The following SFRP1 variants were observed in gnomAD, a reference collection of about 807,000 sequenced individuals.
SFRP1 encodes the protein secreted frizzled-related protein 1.
Under a neutral mutation model 25.9 loss-of-function variants are expected in SFRP1, and 9 were observed. The ratio of observed to expected loss-of-function variants is 0.35; its 90% CI spans 0.21 to 0.61. The LOEUF (loss-of-function observed/expected upper bound fraction) is 0.61, where lower values mean the gene tolerates loss of function less well. SFRP1 is among the 20% of genes least tolerant of loss of function. The pLI is 0.78. For missense variants in SFRP1, 346 were observed against 418.2 expected (o/e 0.83, Z 1.51); for synonymous variants, 178 against 174.0 (o/e 1.02, Z -0.18).
At chr8:41,278,180 G>C (rs1251218613) in intron 2 of SFRP1, among the ~76,000 whole-genome samples, 1 of 152,314 alleles carries the variant, frequency 6.6e-6, no homozygotes, top group East Asian at 1.9e-4. Flanking sequence ...ACACAGCGGA[G>C]TAGGGCAAGG....
chr8:41,290,198 T>C (rs1045964542), intron 2 of SFRP1, among the ~76,000 whole-genome samples: 4 of 152,198 alleles, frequency 2.6e-5, no homozygotes, highest in African/African-American at 4.8e-5. Flanking sequence ...CAACTACACA[T>C]AGGCATCGAC....
intron 2 of SFRP1, among the ~76,000 whole-genome samples, chr8:41,287,790 A>C (rs945346270): frequency 1.3e-5 from 2 of 152,252 alleles, no homozygotes; most frequent in Non-Finnish European, 2.9e-5. Flanking sequence ...AGTTTAAGGA[A>C]AGTGCAGCAT....
intron 2 of SFRP1, among the ~76,000 whole-genome samples, chr8:41,286,861 A>G (rs1803712187): frequency 6.6e-6 from 1 of 152,188 alleles, no homozygotes; most frequent in Admixed American, 6.5e-5. Flanking sequence ...AGGTTCACCC[A>G]CCAACACAGC....
intron 2 of SFRP1, among the ~76,000 whole-genome samples, chr8:41,287,619 T>G (rs993680089): frequency 6.6e-6 from 1 of 152,236 alleles, no homozygotes; most frequent in Non-Finnish European, 1.5e-5. Flanking sequence ...GGTCTTCAGC[T>G]AATATTTGCT....
chr8:41,300,644 G>A (rs1477572067), intron 2 of SFRP1, among the ~76,000 whole-genome samples: 1 of 152,222 alleles, frequency 6.6e-6, no homozygotes, highest in African/African-American at 2.4e-5. Context: ...AAGGGAAGAC[G>A]GCTGTGGGTA....
At chr8:41,286,893 T>A (rs557247338) in intron 2 of SFRP1, among the ~76,000 whole-genome samples, 1 of 152,290 alleles carries the variant, frequency 6.6e-6, no homozygotes. Context: ...GAGAAGCCAG[T>A]GGCCAGAAAG....
At chr8:41,277,292 T>G (rs1257306229) in intron 2 of SFRP1, among the ~76,000 whole-genome samples, 1 of 146,078 alleles carries the variant, frequency 6.8e-6, no homozygotes. Context: ...AGTCCATCAC[T>G]AGGATTGATT....
At chr8:41,273,563 A>G (rs1026745588) in intron 2 of SFRP1, among the ~76,000 whole-genome samples, 1 of 152,192 alleles carries the variant, frequency 6.6e-6, no homozygotes, top group Non-Finnish European at 1.5e-5. Context: ...GATGTTTTGT[A>G]TAAGAGAAGG....
At position 41,277,746 on chromosome 8, in the gene SFRP1, G is replaced by A. The variant is rs534415621; in HGVS notation, c.623-12257C>T. 2.6e-5 allele frequency among the ~76,000 whole-genome samples: 4 copies of A among 152,264 alleles called. No homozygotes were observed. In the South Asian group the frequency reaches 6.2e-4, roughly 24 times the overall value. On this transcript the variant is annotated intron_variant, in intron 2 of 2. Coordinates refer to ENST00000220772, the MANE Select transcript of SFRP1 (RefSeq NM_003012.5). ...TCTTCCTGAGTAACTGGGACTATAA[G>A]CATGAGCCACCACACCACCTAATTA...
chr8:41,302,493 C>A (rs1803935759), intron 2 of SFRP1, among the ~76,000 whole-genome samples: 1 of 152,176 alleles, frequency 6.6e-6, no homozygotes, highest in Non-Finnish European at 1.5e-5. Flanking sequence ...TACGCTTTTC[C>A]AGATAAGAAT....
chr8:41,296,883 C>T (rs2117511971), intron 2 of SFRP1, among the ~76,000 whole-genome samples: 1 of 152,344 alleles, frequency 6.6e-6, no homozygotes. Flanking sequence ...GCCCTCATCA[C>T]TGTCTGGAGG....
rs1042439053 is a variant in SFRP1, at chr8:41,262,104, A to G, written c.*3063T>C. On this transcript the variant is annotated 3_prime_UTR_variant, in exon 3 of 3. Coordinates refer to ENST00000220772, the MANE Select transcript of SFRP1 (RefSeq NM_003012.5). The stretch of plus-strand genomic sequence containing the variant: ...GGTAAAATGCAGTTAAAAAAACAAC[A>G]CAAATGAAATGGAATGTAAAACATT... 5.9e-5 allele frequency: 9 copies of G among 152,592 alleles called. No homozygotes were observed. Among genetic ancestry groups the G allele is most frequent in the African/African-American group, 2.2e-4 (9 of 41,468 alleles). 9.5% of individuals were successfully genotyped at this position (152,592 alleles called of 1,614,324 possible).
chr8:41,306,598 T>C (rs1804000751), intron 1 of SFRP1: 1 of 1,179,006 alleles, frequency 8.5e-7, no homozygotes, highest in African/African-American at 1.5e-5. Context: ...TGGTGTGCCA[T>C]CTCAGGGCAG....
At chr8:41,284,056 T>A (rs1803668428) in intron 2 of SFRP1, among the ~76,000 whole-genome samples, 1 of 152,110 alleles carries the variant, frequency 6.6e-6, no homozygotes, top group Admixed American at 6.5e-5. Flanking sequence ...CATGGCAAAC[T>A]TTAAGATTGT....
In SFRP1 at chr8:41,309,380, G is replaced by C. The variant is rs1357844598; in HGVS notation, c.-221C>G. On this transcript the variant is annotated 5_prime_UTR_variant, in exon 1 of 3. Transcript: ENST00000220772. ...GGCGGGGAGGCGGCGCTGCGGGCTGGGTGCGCCCCGGCTCCCGGAGGTGCG... is the reference window on the plus strand; with the variant it reads ...GGCGGGGAGGCGGCGCTGCGGGCTGCGTGCGCCCCGGCTCCCGGAGGTGCG... The C allele has an allele frequency of 3.7e-6, 1 of 266,962 alleles. No individual in the cohort carries two copies. Among genetic ancestry groups the C allele is most frequent in the Non-Finnish European group, 6.3e-6 (1 of 158,950 alleles). The allele number at this position is 266,962 out of a possible 1,614,324, so 16.5% of individuals were successfully genotyped here. A position where few individuals can be genotyped will look rare whatever the true frequency, so the allele number is the denominator to read the frequency against.
intron 1 of SFRP1, among the ~76,000 whole-genome samples, chr8:41,306,569 A>G (rs971831303): frequency 6.6e-6 from 1 of 152,076 alleles, no homozygotes; most frequent in Non-Finnish European, 1.5e-5. Context: ...TACACCAGGG[A>G]TTGCAGTCCT....
chr8:41,306,590 G>A (rs984712942), intron 1 of SFRP1: 12 of 1,059,826 alleles, frequency 1.1e-5, no homozygotes, highest in Non-Finnish European at 1.6e-5. Flanking sequence ...GGGGAGGGTG[G>A]TGTGCCATCT....
intron 2 of SFRP1, among the ~76,000 whole-genome samples, chr8:41,287,540 G>A (rs1390403143): frequency 6.6e-6 from 1 of 152,198 alleles, no homozygotes; most frequent in Non-Finnish European, 1.5e-5. Context: ...CTTTAGGGGT[G>A]AGCCTGGCTC....
chr8:41,289,086 G>A (rs1803744204), intron 2 of SFRP1, among the ~76,000 whole-genome samples: 1 of 152,162 alleles, frequency 6.6e-6, no homozygotes, highest in Non-Finnish European at 1.5e-5. Flanking sequence ...GTTTTCATCT[G>A]CTCCACCCTC....
Sources: gnomAD v4.1 joint callset for allele counts (sites outside exome capture counted in the v4.1 genomes callset) on GRCh38, gnomAD v4.1.1 for gene constraint, MANE v1.5 for transcripts, NCBI Gene and HGNC (gene_info 2026-07-23, HGNC 2026-07-21) for gene names.